Variants in LINC00237 observed in about 807,000 individuals in gnomAD.
The protein encoded by LINC00237 is long intergenic non-protein coding RNA 237.
rs866424681 is a variant in LINC00237 at position 21,098,777 on chromosome 20, G to T, written n.89-4925C>A. On this transcript the variant is annotated intron_variant and non_coding_transcript_variant, in intron 1 of 3. Coordinates refer to ENST00000691244, the Ensembl canonical transcript of LINC00237. Reference sequence around the variant, plus strand: ...AGACAGAGAGATAAAGATCCTCCTCGAACATCCTATTATATTGCAGAGGGT... The same window carrying T: ...AGACAGAGAGATAAAGATCCTCCTCTAACATCCTATTATATTGCAGAGGGT... Among the ~76,000 whole-genome samples, 2 of 152,318 alleles carry T rather than the reference G, an allele frequency of 1.3e-5. 1 individual carries two copies. The highest frequency in any genetic ancestry group is 4.1e-4 in the South Asian group (2 of 4,822).
chr20:21,105,751 A>G (rs951904638), intron 1 of LINC00237, among the ~76,000 whole-genome samples: 19 of 152,122 alleles, frequency 1.2e-4, no homozygotes, highest in Non-Finnish European at 2.6e-4. Context: ...CTCTGCGCCT[A>G]GAGTTTTGCG....
intron 2 of LINC00237, among the ~76,000 whole-genome samples, chr20:21,088,910 T>C (rs2030751493): frequency 6.6e-6 from 1 of 152,078 alleles, no homozygotes; most frequent in Non-Finnish European, 1.5e-5. Context: ...ACTATACGAA[T>C]ACTGCATTCC....
At chr20:21,102,359 C>T (rs1186113995) in intron 1 of LINC00237, among the ~76,000 whole-genome samples, 2 of 152,198 alleles carry the variant, frequency 1.3e-5, no homozygotes, top group African/African-American at 4.8e-5. Context: ...GGAACCTTCC[C>T]TCTAGCCGCA....
intron 1 of LINC00237, among the ~76,000 whole-genome samples, chr20:21,097,160 G>A (rs886905415): frequency 2.0e-5 from 3 of 152,110 alleles, no homozygotes; most frequent in Non-Finnish European, 2.9e-5. Context: ...TCCACAGGCC[G>A]ACAAAGCTGT....
In LINC00237 at chr20:21,086,321, C is replaced by A. The variant is rs114360316; in HGVS notation, n.560-433G>T. On this transcript the variant is annotated intron_variant and non_coding_transcript_variant, in intron 3 of 3. Transcript: ENST00000691244. ...ATATTGCAATCAAAATGTACATTTA[C>A]AAAGTCATTTAGGTAAATCATTACA... Among the ~76,000 whole-genome samples, 594 of 151,928 alleles carry A rather than the reference C, an allele frequency of 3.9e-3. 2 individuals carry two copies. Among genetic ancestry groups the A allele is most frequent in the African/African-American group, 0.014 (563 of 41,454 alleles).
intron 1 of LINC00237, among the ~76,000 whole-genome samples, chr20:21,095,123 G>A (rs1454849146): frequency 6.6e-6 from 1 of 152,182 alleles, no homozygotes; most frequent in Non-Finnish European, 1.5e-5. Flanking sequence ...TGCACATTGT[G>A]GCTTGCTTTG....
At chr20:21,086,113 A>G (rs1291259985) in intron 3 of LINC00237, among the ~76,000 whole-genome samples, 2 of 152,178 alleles carry the variant, frequency 1.3e-5, no homozygotes, top group African/African-American at 4.8e-5. Context: ...AGGAGACATT[A>G]TTTTTATTAT....
rs138978451 is a variant in LINC00237, at chr20:21,099,724, G to A, written n.89-5872C>T. Reference sequence around the variant, plus strand: ...ATAATTACTTATTTTACACGTTGTCGTCTGCTGATGTTTAAAAGATAAGAA... The same window carrying A: ...ATAATTACTTATTTTACACGTTGTCATCTGCTGATGTTTAAAAGATAAGAA... On this transcript the variant is annotated intron_variant and non_coding_transcript_variant, in intron 1 of 3. Coordinates refer to ENST00000691244, the Ensembl canonical transcript of LINC00237. Among the ~76,000 whole-genome samples the A allele has an allele frequency of 3.6e-3, 553 of 152,120 alleles. 3 individuals carry two copies. Among genetic ancestry groups the A allele is most frequent in the African/African-American group, 0.013 (525 of 41,478 alleles).
At chr20:21,099,565 T>C (rs1457582049) in intron 1 of LINC00237, among the ~76,000 whole-genome samples, 1 of 152,156 alleles carries the variant, frequency 6.6e-6, no homozygotes, top group Admixed American at 6.6e-5. Context: ...CCCCTTCAGG[T>C]CATTCTTCAC....
rs910361854 is a variant in LINC00237 at position 21,101,139 on chromosome 20, G to A, written n.88+5132C>T. Reference sequence around the variant, plus strand: ...TCAACAGCTAAAGAGCAATTTGATGGGGCTGGGATGGGGAAATTACTTGAT... The same window carrying A: ...TCAACAGCTAAAGAGCAATTTGATGAGGCTGGGATGGGGAAATTACTTGAT... On this transcript the variant is annotated intron_variant and non_coding_transcript_variant, in intron 1 of 3. Coordinates refer to ENST00000691244, the Ensembl canonical transcript of LINC00237. This position sits in a 1 kb window ranked among gnomAD's most constrained non-coding sequence, Gnocchi z 4.3. Among the ~76,000 whole-genome samples, 4 of 152,188 alleles carry A rather than the reference G, an allele frequency of 2.6e-5. No individual in the cohort carries two copies. The highest frequency in any genetic ancestry group is 5.9e-5 in the Non-Finnish European group (4 of 68,036).
intron 1 of LINC00237, among the ~76,000 whole-genome samples, chr20:21,095,814 T>C (rs1337661070): frequency 6.6e-6 from 1 of 152,190 alleles, no homozygotes; most frequent in Non-Finnish European, 1.5e-5. Flanking sequence ...CTGGGAACTT[T>C]TTCTTGGCCC....
exon 4 of LINC00237, among the ~76,000 whole-genome samples, chr20:21,085,754 C>T (rs561686836): frequency 6.6e-6 from 1 of 152,190 alleles, no homozygotes; most frequent in African/African-American, 2.4e-5. Flanking sequence ...AGTGAGTTCA[C>T]TTTGTAGGAT....
intron 3 of LINC00237, among the ~76,000 whole-genome samples, chr20:21,085,953 C>T (rs2030686148): frequency 6.6e-6 from 1 of 152,194 alleles, no homozygotes; most frequent in South Asian, 2.1e-4. Context: ...TATCAGCTCC[C>T]TTTAACCCTC....
chr20:21,088,645 G>A (rs2030746191), intron 2 of LINC00237, among the ~76,000 whole-genome samples: 1 of 152,168 alleles, frequency 6.6e-6, no homozygotes, highest in South Asian at 2.1e-4. Flanking sequence ...TATCTACACA[G>A]GGAAATGTGG....
intron 1 of LINC00237, among the ~76,000 whole-genome samples, chr20:21,105,708 C>T (rs188646733): frequency 6.6e-6 from 1 of 152,182 alleles, no homozygotes; most frequent in South Asian, 2.1e-4. Context: ...GTTTTCGCGC[C>T]TCCCCTAGGA....
chr20:21,103,165 G>T (rs187217393), intron 1 of LINC00237, among the ~76,000 whole-genome samples: 44 of 152,380 alleles, frequency 2.9e-4, no homozygotes, highest in Non-Finnish European at 5.4e-4. Flanking sequence ...ACGCGCCAAC[G>T]CTGCAAGCAA....
rs975885310 is a variant in LINC00237 at position 21,101,490 on chromosome 20, C to A, written n.88+4781G>T. On this transcript the variant is annotated intron_variant and non_coding_transcript_variant, in intron 1 of 3. Transcript: ENST00000691244. This position sits in a 1 kb window ranked among gnomAD's most constrained non-coding sequence, Gnocchi z 4.3. ...GGAAAGAGAGTGACAGAGGCGCGTG[C>A]GGGGGAAAGGCCCACCCACGCTGTC... The A allele has an allele frequency of 6.6e-6, 1 of 152,038 alleles. No individual in the cohort carries two copies. Among genetic ancestry groups the A allele is most frequent in the Non-Finnish European group, 1.5e-5 (1 of 68,056 alleles). The allele number at this position is 152,038 out of a possible 1,614,324, so 9.4% of individuals were successfully genotyped here.
chr20:21,100,777 C>T (rs1022501326), intron 1 of LINC00237, among the ~76,000 whole-genome samples: 7 of 152,264 alleles, frequency 4.6e-5, no homozygotes, highest in African/African-American at 1.7e-4. Flanking sequence ...GCTTAAACGC[C>T]GGGCGGTTTC....
chr20:21,090,850 G>A (rs1431131075), intron 2 of LINC00237, among the ~76,000 whole-genome samples: 2 of 152,028 alleles, frequency 1.3e-5, no homozygotes, highest in South Asian at 2.1e-4. Context: ...TGTCTTTATC[G>A]CCAGCAAAGG....
Sources: gnomAD v4.1 joint callset for allele counts (sites outside exome capture counted in the v4.1 genomes callset) on GRCh38, gnomAD v4.1.1 for gene constraint, Gnocchi (gnomAD v3.1) non-coding constraint, MANE v1.5 for transcripts, NCBI Gene and HGNC (gene_info 2026-07-23, HGNC 2026-07-21) for gene names.